Variants in LPIN1 observed in about 807,000 individuals in gnomAD.
LPIN1 encodes the protein phosphatidate phosphatase LPIN1.
LPIN1 carries 71 observed loss-of-function variants against 107.5 expected under a neutral mutation model. The ratio of observed to expected loss-of-function variants is 0.66; its 90% CI spans 0.55 to 0.80. The LOEUF (loss-of-function observed/expected upper bound fraction) is 0.80, where lower values mean the gene tolerates loss of function less well. LPIN1 is among the 30% of genes least tolerant of loss of function. LPIN1 has a pLI of 0.00. For synonymous variants in LPIN1, 445 were observed against 452.6 expected, an observed-to-expected ratio of 0.98 and a Z score of 0.21; for missense variants, 1,043 against 1,160.6, an observed-to-expected ratio of 0.90 and a Z score of 1.47.
At chr2:11,712,664 G>A (rs1663489917) in intron 1 of LPIN1, among the ~76,000 whole-genome samples, 1 of 152,216 alleles carries the variant, frequency 6.6e-6, no homozygotes, top group Admixed American at 6.5e-5. Context: ...GGGGTGCAGG[G>A]CCAAGGAGGA....
At chr2:11,772,106 AG>A (rs2148635184) in intron 4 of LPIN1, among the ~76,000 whole-genome samples, 1 of 152,322 alleles carries the variant, frequency 6.6e-6, no homozygotes, top group Admixed American at 6.5e-5. Flanking sequence ...AGTTCACAAC[AG>A]GGTTCGTGCT....
Position 11,700,787 on chromosome 2 carries a change from C to T in LPIN1, c.82-12969C>T, listed in dbSNP as rs145703423. On this transcript the variant is annotated intron_variant, in intron 1 of 21. Coordinates refer to the LPIN1 transcript ENST00000449576. The stretch of plus-strand genomic sequence containing the variant: ...GAAGGAAGGTATAAGTATACATGCC[C>T]AGCACAGCACGGAGCACACGATTCG... Among the ~76,000 whole-genome samples, 383 of 152,308 alleles carry T rather than the reference C, an allele frequency of 2.5e-3. 1 individual carries two copies. Among genetic ancestry groups the T allele is most frequent in the African/African-American group, 8.6e-3 (359 of 41,560 alleles).
intron 1 of LPIN1, among the ~76,000 whole-genome samples, chr2:11,695,629 A>G (rs899774132): frequency 3.9e-5 from 6 of 152,202 alleles, no homozygotes; most frequent in Non-Finnish European, 8.8e-5. Flanking sequence ...ACGCCAGCTT[A>G]GGGTAGCTGG....
chr2:11,782,435 G>T lies in LPIN1; in HGVS notation c.1192G>T (p.Glu398Ter), dbSNP rs1428090743. 6.2e-7 allele frequency: 1 copy of T among 1,614,146 alleles called. No homozygotes were observed. Among genetic ancestry groups the T allele is most frequent in the African/African-American group, 1.3e-5 (1 of 75,034 alleles). ...GAAAPLLPMI[E>*]ELKPPSASVV... ...AGCAGCGCCACTCTTGCCCATGATC[G>T]AGGAGCTCAAACCCCCCTCTGCCAG... The change falls in exon 8 of 21, where the codon GAG becomes TAG. Residue 398 changes from glutamate (E) to a stop codon, truncating the protein, a stop_gained. Transcript: ENST00000674199. LOFTEE classifies it high-confidence loss of function.
intron 17 of LPIN1, among the ~76,000 whole-genome samples, chr2:11,814,751 G>A (rs1220816255): frequency 1.3e-5 from 2 of 152,124 alleles, no homozygotes; most frequent in African/African-American, 4.8e-5. Flanking sequence ...TGGGACCAGG[G>A]GGAGTACAAG....
intron 14 of LPIN1, among the ~76,000 whole-genome samples, chr2:11,797,334 G>A (rs569426780): frequency 6.6e-6 from 1 of 152,210 alleles, no homozygotes; most frequent in Non-Finnish European, 1.5e-5. Flanking sequence ...CTGGGTCTTC[G>A]AGGCAACTTC....
intron 17 of LPIN1, among the ~76,000 whole-genome samples, chr2:11,813,408 C>A (rs988717054): frequency 1.3e-5 from 2 of 151,492 alleles, no homozygotes; most frequent in Admixed American, 6.6e-5. Context: ...ACTTTAATGT[C>A]GAAAATGCAA....
At chr2:11,714,375 G>T (rs1170721441) in intron 2 of LPIN1, among the ~76,000 whole-genome samples, 2 of 152,146 alleles carry the variant, frequency 1.3e-5, no homozygotes, top group Non-Finnish European at 2.9e-5. Context: ...CCCCGAGGCT[G>T]TCTTTTTGGC....
At chr2:11,793,034 C>T (rs1406883862) in intron 13 of LPIN1, among the ~76,000 whole-genome samples, 1 of 152,218 alleles carries the variant, frequency 6.6e-6, no homozygotes, top group Non-Finnish European at 1.5e-5. Flanking sequence ...CCAAACCAGA[C>T]ATTCTTTTCT....
intron 1 of LPIN1, among the ~76,000 whole-genome samples, chr2:11,689,273 C>T (rs1285949203): frequency 1.3e-5 from 2 of 152,166 alleles, no homozygotes; most frequent in Non-Finnish European, 2.9e-5. Context: ...CTGCCCTGGT[C>T]GTTTCAAAGT....
chr2:11,685,688 T>C lies in LPIN1; in HGVS notation c.81+7960T>C, dbSNP rs150666886. Among the ~76,000 whole-genome samples the C allele has an allele frequency of 6.4e-4, 97 of 152,348 alleles. 1 individual carries two copies. Among genetic ancestry groups the C allele is most frequent in the South Asian group, 2.3e-3 (11 of 4,826 alleles). On this transcript the variant is annotated intron_variant, in intron 1 of 21. Coordinates refer to the LPIN1 transcript ENST00000449576. The stretch of plus-strand genomic sequence containing the variant: ...CCCCCAGAGGGTAGCAGGTGTCTTT[T>C]CTAGGCATGCCTATGGCAGAGCTAA...
At chr2:11,752,433 A>ATTTTT (rs34156190) in intron 1 of LPIN1, among the ~76,000 whole-genome samples, 6 of 103,870 alleles carry the variant, frequency 5.8e-5, no homozygotes, top group African/African-American at 1.7e-4. Flanking sequence ...TTCCAAGGCC[A>ATTTTT]TTTTTTTTTT....
intron 1 of LPIN1, among the ~76,000 whole-genome samples, chr2:11,687,651 C>T (rs143575242): frequency 1.3e-5 from 2 of 152,240 alleles, no homozygotes; most frequent in African/African-American, 4.8e-5. Context: ...TTTGACCAGG[C>T]CTGCAATACA....
chr2:11,687,465 A>G (rs1230419112), intron 1 of LPIN1, among the ~76,000 whole-genome samples: 1 of 151,760 alleles, frequency 6.6e-6, no homozygotes, highest in African/African-American at 2.4e-5. Flanking sequence ...GATATCTCCT[A>G]TAGCATGGAC....
At chr2:11,709,101 A>G (rs1663275653) in intron 1 of LPIN1, among the ~76,000 whole-genome samples, 1 of 152,186 alleles carries the variant, frequency 6.6e-6, no homozygotes, top group Non-Finnish European at 1.5e-5. Context: ...ACAAGTGGTT[A>G]TCTCATCAGA....
In LPIN1 at chr2:11,782,460, G is replaced by A. The variant is rs988910572; in HGVS notation, c.1217G>A (p.Ser406Asn). The change falls in exon 8 of 21, where the codon AGT (serine) becomes AAT (asparagine). Residue 406 changes from serine to asparagine, a missense_variant. Ser to Asn is a conservative substitution (Grantham distance 46). Coordinates refer to ENST00000674199, the MANE Select transcript of LPIN1 (RefSeq NM_001349206.2). ...MIEELKPPSA[S>N]VVQTANKTDS... ...GAGGAGCTCAAACCCCCCTCTGCCA[G>A]TGTAGTCCAGACAGCAAACAAGACG... is the stretch of plus-strand genomic sequence containing the variant. 1 of 1,614,074 alleles carries A rather than the reference G, an allele frequency of 6.2e-7. No individual in the cohort carries two copies. The highest frequency in any genetic ancestry group is 8.5e-7 in the Non-Finnish European group (1 of 1,180,046).
rs145470414 is a variant in LPIN1 at position 11,803,255 on chromosome 2, C to T, written c.2013+222C>T. Among the ~76,000 whole-genome samples, 8 of 152,312 alleles carry T rather than the reference C, an allele frequency of 5.3e-5. No homozygotes were observed. Among genetic ancestry groups the T allele is most frequent in the African/African-American group, 1.9e-4 (8 of 41,582 alleles). ...CCTTTTGTCTTCTCCTTTTGCTGGCCTGGCCCTGGAGGATCTAGTTTACTA... is the reference window on the plus strand; with the variant it reads ...CCTTTTGTCTTCTCCTTTTGCTGGCTTGGCCCTGGAGGATCTAGTTTACTA... On this transcript the variant is annotated intron_variant, in intron 15 of 20. Transcript: ENST00000674199. The surrounding 1 kb of genome is among the most constrained non-coding windows in gnomAD (Gnocchi z 4.2).
rs765504127 is a variant in LPIN1 at position 11,765,772 on chromosome 2, C to T, written c.192+39C>T. On this transcript the variant is annotated intron_variant, in intron 2 of 20. Transcript: ENST00000674199. This position sits in a 1 kb window ranked among gnomAD's most constrained non-coding sequence, Gnocchi z 4.4. ...GCACGGGGACCTGGCACCGGCTCTC[C>T]TTAGAGAATGCCCTTGTACTCTGGT... 1 of 1,575,050 alleles carries T rather than the reference C, an allele frequency of 6.3e-7. No homozygotes were observed. The highest frequency in any genetic ancestry group is 1.1e-5 in the South Asian group (1 of 87,992).
intron 1 of LPIN1, among the ~76,000 whole-genome samples, chr2:11,691,455 C>T (rs1662267891): frequency 6.6e-6 from 1 of 152,138 alleles, no homozygotes; most frequent in Admixed American, 6.5e-5. Context: ...GCCTGGCTCC[C>T]GTGTCCCATC....
Sources: gnomAD v4.1 joint callset for allele counts (sites outside exome capture counted in the v4.1 genomes callset) on GRCh38, gnomAD v4.1.1 for gene constraint, Gnocchi (gnomAD v3.1) non-coding constraint, MANE v1.5 for transcripts, NCBI Gene and HGNC (gene_info 2026-07-23, HGNC 2026-07-21) for gene names.